QTMAN: variants seen among roughly 807,000 people sequenced by gnomAD.
The protein encoded by QTMAN is tRNA-queuosine alpha-mannosyltransferase.
chr2:144,015,899 A>G, the QTMAN span, among the ~76,000 whole-genome samples: 5 of 152,204 alleles, frequency 3.3e-5, no homozygotes, highest in Non-Finnish European at 5.9e-5. Flanking sequence ...TCTGTAAAAT[A>G]GGATAGTAAT....
the QTMAN span, chr2:144,145,649 G>A: frequency 1.2e-5 from 19 of 1,611,090 alleles, no homozygotes; most frequent in African/African-American, 8.0e-5. Flanking sequence ...ACTGGTTCTC[G>A]TGAAAATACA....
At chr2:144,266,291 G>A in the QTMAN span, among the ~76,000 whole-genome samples, 2 of 152,180 alleles carry the variant, frequency 1.3e-5, no homozygotes, top group Non-Finnish European at 2.9e-5. Flanking sequence ...CTTAGAAAGA[G>A]GGGTAACATC....
At chr2:143,972,108 T>C in the QTMAN span, among the ~76,000 whole-genome samples, 1 of 152,172 alleles carries the variant, frequency 6.6e-6, no homozygotes, top group Non-Finnish European at 1.5e-5. Flanking sequence ...GTATTTTACA[T>C]ACATGTACCA....
the QTMAN span, chr2:144,007,218 T>C: frequency 6.2e-7 from 1 of 1,608,434 alleles, no homozygotes; most frequent in Non-Finnish European, 8.5e-7. Context: ...CAGTCTTTGC[T>C]GATTATCAAC....
At chr2:144,010,062 C>T in the QTMAN span, among the ~76,000 whole-genome samples, 1 of 74,882 alleles carries the variant, frequency 1.3e-5, no homozygotes, top group Non-Finnish European at 3.0e-5. Flanking sequence ...AAGGATTCAC[C>T]AAAAAAAAAA....
chr2:144,084,000 A>T, the QTMAN span, among the ~76,000 whole-genome samples: 1 of 152,224 alleles, frequency 6.6e-6, no homozygotes, highest in Admixed American at 6.5e-5. Flanking sequence ...TGATAATAAT[A>T]CATGTGAAGA....
the QTMAN span, among the ~76,000 whole-genome samples, chr2:144,032,150 G>A: frequency 2.6e-3 from 398 of 152,246 alleles, no homozygotes; most frequent in Admixed American, 4.4e-3. Context: ...ATGATTAAAA[G>A]TGCAAGCTTT....
At chr2:143,955,996 C>T in the QTMAN span, among the ~76,000 whole-genome samples, 2 of 152,144 alleles carry the variant, frequency 1.3e-5, no homozygotes, top group Non-Finnish European at 2.9e-5. Context: ...TGGGGAGGGA[C>T]CCTGGTACCT....
chr2:144,169,247 C>T, the QTMAN span, among the ~76,000 whole-genome samples: 1 of 152,114 alleles, frequency 6.6e-6, no homozygotes, highest in Non-Finnish European at 1.5e-5. Flanking sequence ...TATCTATGTG[C>T]AGCCATGGTT....
chr2:144,069,528 A>T, the QTMAN span, among the ~76,000 whole-genome samples: 3 of 152,084 alleles, frequency 2.0e-5, no homozygotes, highest in African/African-American at 7.2e-5. Context: ...TGAAATATCC[A>T]TGAGTGATCA....
chr2:144,058,133 A>AACACAC, the QTMAN span, among the ~76,000 whole-genome samples: 742 of 97,192 alleles, frequency 7.6e-3, 5 homozygotes, highest in Middle Eastern at 0.015. Flanking sequence ...CACCCCGCTA[A>AACACAC]ACACACACAC....
the QTMAN span, among the ~76,000 whole-genome samples, chr2:144,070,363 C>G: frequency 6.1e-3 from 929 of 152,134 alleles, 3 homozygotes; most frequent in Non-Finnish European, 9.9e-3. Flanking sequence ...CTAAATGTAT[C>G]TAGTACCAAC....
chr2:144,013,962 T>C, the QTMAN span, among the ~76,000 whole-genome samples: 4 of 152,118 alleles, frequency 2.6e-5, no homozygotes, highest in South Asian at 8.3e-4. Context: ...AGTATAAAAG[T>C]AAAAATTTTG....
chr2:143,950,309 G>A, the QTMAN span, among the ~76,000 whole-genome samples: 2 of 151,622 alleles, frequency 1.3e-5, no homozygotes, highest in South Asian at 4.1e-4. Flanking sequence ...ATACCACTAA[G>A]CTGCCATTCT....
the QTMAN span, among the ~76,000 whole-genome samples, chr2:144,133,416 T>C: frequency 1.8e-5 from 1 of 56,200 alleles, no homozygotes; most frequent in African/African-American, 9.7e-5. Context: ...ATATATTATA[T>C]ATAATATATA....
At chr2:144,137,446 C>T in the QTMAN span, among the ~76,000 whole-genome samples, 1 of 152,012 alleles carries the variant, frequency 6.6e-6, no homozygotes, top group Non-Finnish European at 1.5e-5. Flanking sequence ...TGTTGTCAAG[C>T]TGTCAGTCAG....
At chr2:143,967,107 T>C in the QTMAN span, among the ~76,000 whole-genome samples, 1 of 152,220 alleles carries the variant, frequency 6.6e-6, no homozygotes, top group Non-Finnish European at 1.5e-5. Flanking sequence ...TCAGAGTCTG[T>C]TTCCCTACCT....
At chr2:144,219,303 G>A in the QTMAN span, among the ~76,000 whole-genome samples, 3 of 152,118 alleles carry the variant, frequency 2.0e-5, no homozygotes, top group East Asian at 5.9e-4. Context: ...GCTAATTTTT[G>A]TGTTTTTAGT....
chr2:144,109,430 A>T, the QTMAN span, among the ~76,000 whole-genome samples: 2 of 152,218 alleles, frequency 1.3e-5, no homozygotes, highest in Non-Finnish European at 2.9e-5. Context: ...TAGACCTAAA[A>T]ACCATAAAAA....
Sources: gnomAD v4.1 joint callset for allele counts (sites outside exome capture counted in the v4.1 genomes callset) on GRCh38, gnomAD v4.1.1 for gene constraint, MANE v1.5 for transcripts, NCBI Gene and HGNC (gene_info 2026-07-23, HGNC 2026-07-21) for gene names.